Variants in LMF1 observed in about 807,000 individuals in gnomAD.
LMF1 encodes transmembrane protein 112.
Under a neutral mutation model 60.6 loss-of-function variants are expected in LMF1, and 68 were observed. The ratio of observed to expected loss-of-function variants is 1.12; its 90% CI spans 0.92 to 1.37. The LOEUF (loss-of-function observed/expected upper bound fraction) is 1.37, where lower values mean the gene tolerates loss of function less well. Among genes scored for constraint, LMF1 ranks in the 40% most tolerant of loss-of-function variants. The pLI is 0.00. For missense variants in LMF1, 948 were observed against 767.2 expected (o/e 1.24, Z -2.78); for synonymous variants, 418 against 324.7 (o/e 1.29, Z -3.09).
rs979391660 is a variant in LMF1, at chr16:947,493, C to T, written c.503+6864G>A. 3 of 456,106 alleles carry T rather than the reference C, an allele frequency of 6.6e-6. No homozygotes were observed. The Admixed American group carries it at 7.0e-5, about 11-fold the overall frequency. 28.3% of individuals were successfully genotyped at this position (456,106 alleles called of 1,614,324 possible). A position where few individuals can be genotyped will look rare whatever the true frequency, so the allele number is the denominator to read the frequency against. ...CTGGGTGCTGGCGGCCTCCCAGCGTCCCCTCCAGCCCTGGCGCTGCTCTCA... is the reference window on the plus strand; with the variant it reads ...CTGGGTGCTGGCGGCCTCCCAGCGTTCCCTCCAGCCCTGGCGCTGCTCTCA... On this transcript the variant is annotated intron_variant, in intron 2 of 10. Coordinates refer to ENST00000262301, the MANE Select transcript of LMF1 (RefSeq NM_022773.4).
chr16:894,515 G>A (rs2070606983), intron 4 of LMF1, among the ~76,000 whole-genome samples: 1 of 152,020 alleles, frequency 6.6e-6, no homozygotes. Flanking sequence ...GAGGTGCCGG[G>A]CCCTGCTCCA....
intron 3 of LMF1, among the ~76,000 whole-genome samples, chr16:926,853 G>A (rs2071624222): frequency 6.6e-6 from 1 of 152,126 alleles, no homozygotes; most frequent in African/African-American, 2.4e-5. Flanking sequence ...TCCTCTCTGT[G>A]AGTCCTCCCC....
At chr16:946,741 C>A (rs1334476218) in intron 2 of LMF1, among the ~76,000 whole-genome samples, 1 of 152,242 alleles carries the variant, frequency 6.6e-6, no homozygotes, top group African/African-American at 2.4e-5. Flanking sequence ...ATGGCCCATG[C>A]CCTGCCATGG....
At chr16:976,984 C>T (rs774235761) in intron 1 of LMF1, 3 of 453,720 alleles carry the variant, frequency 6.6e-6, no homozygotes, top group South Asian at 1.6e-5. Flanking sequence ...AATGCTCGTC[C>T]TCCGTGGAGG....
At chr16:879,523 G>T (rs762635855) in intron 6 of LMF1, 47 bp downstream of exon 6, 4 of 1,597,698 alleles carry the variant, frequency 2.5e-6, no homozygotes, top group African/African-American at 1.3e-5. Flanking sequence ...AGGGCGACGG[G>T]CCAGCGTCTC....
chr16:932,309 C>T (rs1162295791), intron 3 of LMF1, among the ~76,000 whole-genome samples: 1 of 152,226 alleles, frequency 6.6e-6, no homozygotes, highest in African/African-American at 2.4e-5. Context: ...ACGGCAGCAC[C>T]GTGGCCTCGC....
upstream of LMF1, among the ~76,000 whole-genome samples, chr16:971,870 T>C (rs1183596905): frequency 6.6e-6 from 1 of 152,244 alleles, no homozygotes; most frequent in East Asian, 1.9e-4. Context: ...CTTATTCATT[T>C]GTCAGCACTC....
Position 938,716 on chromosome 16 carries a change from C to T in LMF1, c.504-4462G>A, listed in dbSNP as rs976709548. On this transcript the variant is annotated intron_variant, in intron 2 of 10. Transcript: ENST00000262301. The stretch of plus-strand genomic sequence containing the variant: ...GCACCAAGTGCATGTGTGGCTCCCA[C>T]GGACAGATGGATGGATGGACAGACG... Among the ~76,000 whole-genome samples, 30 of 152,060 alleles carry T rather than the reference C, an allele frequency of 2.0e-4. 1 individual carries two copies. The highest frequency in any genetic ancestry group is 5.6e-4 in the African/African-American group (23 of 41,326).
intron 3 of LMF1, among the ~76,000 whole-genome samples, chr16:920,020 C>T (rs2071391053): frequency 6.6e-6 from 1 of 152,082 alleles, no homozygotes; most frequent in African/African-American, 2.4e-5. Flanking sequence ...GCCCCCAGCA[C>T]AACATCTGCA....
intron 1 of LMF1, chr16:968,588 A>G (rs2072974611): frequency 6.6e-6 from 1 of 152,260 alleles, no homozygotes; most frequent in Non-Finnish European, 1.5e-5. Context: ...GGGCCAGCTC[A>G]GCCAGAAAAC....
At chr16:928,416 C>T (rs2071673473) in intron 3 of LMF1, among the ~76,000 whole-genome samples, 1 of 152,166 alleles carries the variant, frequency 6.6e-6, no homozygotes, top group African/African-American at 2.4e-5. Context: ...ACTCCAAGGA[C>T]CCCAAATTCC....
intron 2 of LMF1, chr16:947,464 G>A (rs558437290): frequency 8.8e-6 from 4 of 456,030 alleles, no homozygotes; most frequent in African/African-American, 6.0e-5. Flanking sequence ...CGAGGGCGGT[G>A]TCCCTGGGTG....
chr16:868,748 C>A (rs997479852), intron 10 of LMF1, among the ~76,000 whole-genome samples, 196 bp downstream of exon 10: 2 of 129,176 alleles, frequency 1.5e-5, no homozygotes, highest in African/African-American at 2.9e-5. Context: ...GGGGTGGGAC[C>A]AGCCTTGATG....
rs748343288 is a variant in LMF1 at position 970,723 on chromosome 16, G to A, written c.193+65C>T. On this transcript the variant is annotated intron_variant, in intron 1 of 10. Coordinates refer to ENST00000262301, the MANE Select transcript of LMF1 (RefSeq NM_022773.4). The stretch of plus-strand genomic sequence containing the variant: ...GAGACCGCGCGGAGGAGTCTCGAGG[G>A]AGGGCGGGGGTCGTGGTGCGCGGAG... 1.3e-5 allele frequency: 18 copies of A among 1,417,874 alleles called. No homozygotes were observed. The African/African-American group carries it at 1.3e-4, about 11-fold the overall frequency. The allele number at this position is 1,417,874 out of a possible 1,614,324, so 87.8% of individuals were successfully genotyped here. A position where few individuals can be genotyped will look rare whatever the true frequency, so the allele number is the denominator to read the frequency against.
At position 890,967 on chromosome 16, in the gene LMF1, C is replaced by G. The variant is rs948202743; in HGVS notation, c.729+2040G>C. Among the ~76,000 whole-genome samples the G allele has an allele frequency of 3.3e-5, 5 of 152,326 alleles. No individual in the cohort carries two copies. The East Asian group carries it at 9.6e-4, about 29-fold the overall frequency. Reference sequence around the variant, plus strand: ...GCCGGGCCCACCCTGTCCACCGTCTCGGGCCATGTCTGAACTGGTGTTGAC... The same window carrying G: ...GCCGGGCCCACCCTGTCCACCGTCTGGGGCCATGTCTGAACTGGTGTTGAC... On this transcript the variant is annotated intron_variant, in intron 5 of 10. Transcript: ENST00000262301.
At chr16:861,857 C>G (rs894853039) in intron 10 of LMF1, among the ~76,000 whole-genome samples, 1 of 152,202 alleles carries the variant, frequency 6.6e-6, no homozygotes, top group South Asian at 2.1e-4. Flanking sequence ...TTTCTTGTTC[C>G]GGATCTGAAT....
intron 6 of LMF1, among the ~76,000 whole-genome samples, chr16:877,317 C>T (rs142388072): frequency 6.6e-6 from 1 of 152,314 alleles, no homozygotes; most frequent in East Asian, 1.9e-4. Context: ...ACAAAAACTG[C>T]CTCAAGTCAA....
chr16:964,836 C>G (rs1248357746), intron 1 of LMF1, among the ~76,000 whole-genome samples: 1 of 152,242 alleles, frequency 6.6e-6, no homozygotes, highest in Non-Finnish European at 1.5e-5. Context: ...CTCAGAGACA[C>G]GCTACCAATG....
Position 954,522 on chromosome 16 carries a change from A to G in LMF1, c.338T>C (p.Ile113Thr), listed in dbSNP as rs1237939662. ...SWEVFSYMPT[I>T]LWLMDWSDMN... ...GTCTGACCAGTCCATCAGCCAGAGGATGGTGGGCATGTAGCTGAAGACTTC... is the reference window on the plus strand; with the variant it reads ...GTCTGACCAGTCCATCAGCCAGAGGGTGGTGGGCATGTAGCTGAAGACTTC... Residue 113 changes from isoleucine (I) to threonine (T), a missense_variant, in exon 2 of 11, where the codon ATC (isoleucine) becomes ACC (threonine). Coordinates refer to ENST00000262301, the MANE Select transcript of LMF1 (RefSeq NM_022773.4). 7 of 1,612,926 alleles carry G rather than the reference A, an allele frequency of 4.3e-6. No individual in the cohort carries two copies. Among genetic ancestry groups the G allele is most frequent in the Non-Finnish European group, 5.9e-6 (7 of 1,179,716 alleles).
Sources: gnomAD v4.1 joint callset for allele counts (sites outside exome capture counted in the v4.1 genomes callset) on GRCh38, gnomAD v4.1.1 for gene constraint, MANE v1.5 for transcripts, NCBI Gene and HGNC (gene_info 2026-07-23, HGNC 2026-07-21) for gene names.